The following TAFA1 variants were observed in gnomAD, a reference collection of about 807,000 sequenced individuals.
TAFA1 encodes chemokine-like protein TAFA-1.
TAFA1 carries 4 observed loss-of-function variants against 18.5 expected under a neutral mutation model. That is an observed-to-expected ratio of 0.22 (90% CI 0.11 to 0.49). TAFA1 has a LOEUF of 0.49. Among genes scored for constraint, TAFA1 ranks in the 20% least tolerant of loss-of-function variants. The probability of loss-of-function intolerance (pLI) is 0.98; values close to 1 mark genes in which losing one functional copy is unlikely to be tolerated. For synonymous variants in TAFA1, 56 were observed against 55.2 expected (o/e 1.01, Z -0.06); for missense variants, 147 against 169.0 (o/e 0.87, Z 0.72).
At chr3:68,110,143 A>T (rs2065247467) in intron 2 of TAFA1, among the ~76,000 whole-genome samples, 1 of 151,856 alleles carries the variant, frequency 6.6e-6, no homozygotes, top group African/African-American at 2.4e-5. Context: ...CCTCCCTCCA[A>T]CAGGCTCCAG....
chr3:68,529,531 G>C (rs1048446879), intron 3 of TAFA1, among the ~76,000 whole-genome samples: 4 of 146,196 alleles, frequency 2.7e-5, no homozygotes, highest in African/African-American at 1.0e-4. Context: ...TAGTCTGCTT[G>C]TGTTACTATA....
chr3:68,044,243 C>T (rs376799026), intron 2 of TAFA1, among the ~76,000 whole-genome samples: 1 of 152,310 alleles, frequency 6.6e-6, no homozygotes, highest in African/African-American at 2.4e-5. Flanking sequence ...TATAGTGTTA[C>T]ATTTATTTTT....
intron 2 of TAFA1, among the ~76,000 whole-genome samples, chr3:68,202,746 G>A (rs962660649): frequency 6.6e-6 from 1 of 151,338 alleles, no homozygotes; most frequent in African/African-American, 2.4e-5. Context: ...TTATATATAA[G>A]CAAAAATAAG....
the TAFA1 span, among the ~76,000 whole-genome samples, chr3:67,996,410 CA>C: frequency 2.6e-5 from 4 of 152,014 alleles, no homozygotes; most frequent in Non-Finnish European, 5.9e-5. Flanking sequence ...TCTCTGAAAT[CA>C]GGGGGGATAA....
intron 2 of TAFA1, among the ~76,000 whole-genome samples, chr3:68,370,929 G>A (rs1228520394): frequency 6.6e-6 from 1 of 151,802 alleles, no homozygotes; most frequent in Non-Finnish European, 1.5e-5. Flanking sequence ...CTAGAACATT[G>A]CTTCGCCTTT....
chr3:68,040,244 T>C (rs1313875653), intron 2 of TAFA1, among the ~76,000 whole-genome samples: 1 of 152,172 alleles, frequency 6.6e-6, no homozygotes, highest in African/African-American at 2.4e-5. Flanking sequence ...TGCAAGGCAA[T>C]TTTACTCACC....
chr3:68,113,264 C>T (rs547658879), intron 2 of TAFA1, among the ~76,000 whole-genome samples: 1 of 152,246 alleles, frequency 6.6e-6, no homozygotes, highest in African/African-American at 2.4e-5. Flanking sequence ...TAAACATGTA[C>T]ACATAAGGAC....
At position 68,032,500 on chromosome 3, in the gene TAFA1, C is replaced by A. The variant is rs531896669; in HGVS notation, c.118+25756C>A. ...AAGAAAGTAAGACTTTGTTGACAGA[C>A]TCTTGTAGAGGTAGTGCAAAAAGAA... On this transcript the variant is annotated intron_variant, in intron 2 of 4. Coordinates refer to ENST00000478136, the MANE Select transcript of TAFA1 (RefSeq NM_213609.4). Among the ~76,000 whole-genome samples the A allele has an allele frequency of 4.6e-5, 7 of 152,264 alleles. No individual in the cohort carries two copies. In the East Asian group the frequency reaches 1.4e-3, roughly 29 times the overall value.
rs34030223 is a variant in TAFA1 at position 68,498,722 on chromosome 3, C to CTTTTT, written c.260-40003_260-39999dup. ...AATTCCTCCCAAAGCCGTTTGGTGG[C>CTTTTT]TTTTTTTTTTTTTTTTTTTTTTTTT... is the stretch of plus-strand genomic sequence containing the variant. On this transcript the variant is annotated intron_variant, in intron 3 of 4. Transcript: ENST00000478136. Among the ~76,000 whole-genome samples, 117 of 97,004 alleles carry CTTTTT rather than the reference C, an allele frequency of 1.2e-3. 8 individuals carry two copies. Among genetic ancestry groups the CTTTTT allele is most frequent in the African/African-American group, 5.1e-3 (106 of 20,874 alleles). The allele number at this position is 97,004 out of a possible 152,430, so 63.6% of individuals were successfully genotyped here.
Position 68,139,292 on chromosome 3 carries a change from G to C in TAFA1, c.118+132548G>C, listed in dbSNP as rs948826024. On this transcript the variant is annotated intron_variant, in intron 2 of 4. Coordinates refer to ENST00000478136, the MANE Select transcript of TAFA1 (RefSeq NM_213609.4). The stretch of plus-strand genomic sequence containing the variant: ...GTAAGAGGAGAAATACACACCACTG[G>C]AAGTTAGAGTTGGGAATAGGTTCCG... 7.2e-5 allele frequency among the ~76,000 whole-genome samples: 11 copies of C among 152,114 alleles called. No individual in the cohort carries two copies. In the East Asian group the frequency reaches 2.1e-3, roughly 29 times the overall value.
intron 2 of TAFA1, among the ~76,000 whole-genome samples, chr3:68,175,483 A>G (rs1018826173): frequency 6.6e-6 from 1 of 152,202 alleles, no homozygotes; most frequent in African/African-American, 2.4e-5. Flanking sequence ...TGTGACCTGC[A>G]TGTGAGACAT....
chr3:68,183,020 A>G (rs539457162), intron 2 of TAFA1, among the ~76,000 whole-genome samples: 6 of 152,142 alleles, frequency 3.9e-5, no homozygotes, highest in Non-Finnish European at 8.8e-5. Context: ...AACCCTCCCA[A>G]ATAATTATCC....
chr3:68,496,606 A>C (rs2072554630), intron 3 of TAFA1, among the ~76,000 whole-genome samples: 2 of 152,196 alleles, frequency 1.3e-5, no homozygotes, highest in Admixed American at 1.3e-4. Flanking sequence ...CAAAGATGAA[A>C]TCAAGATACT....
At chr3:68,113,611 C>T (rs1378549246) in intron 2 of TAFA1, among the ~76,000 whole-genome samples, 1 of 152,114 alleles carries the variant, frequency 6.6e-6, no homozygotes, top group African/African-American at 2.4e-5. Context: ...TAGAAAGGTT[C>T]TCACGGCATG....
intron 2 of TAFA1, among the ~76,000 whole-genome samples, chr3:68,305,415 ATATATATATATAT>A (rs1559608851): frequency 6.7e-5 from 2 of 29,878 alleles, no homozygotes; most frequent in African/African-American, 2.4e-4. Flanking sequence ...ATGACTATAT[ATATATATATATAT>A]ATATATATAT....
chr3:68,306,608 C>T (rs185532352), intron 2 of TAFA1, among the ~76,000 whole-genome samples: 3 of 152,272 alleles, frequency 2.0e-5, no homozygotes, highest in African/African-American at 7.2e-5. Context: ...TCCCCTCCGC[C>T]TCCACCTCCT....
chr3:68,013,338 T>G (rs1368545123), intron 2 of TAFA1, among the ~76,000 whole-genome samples: 1 of 152,152 alleles, frequency 6.6e-6, no homozygotes, highest in African/African-American at 2.4e-5. Flanking sequence ...TAAACATTAT[T>G]TTGTCAGTAT....
intron 2 of TAFA1, among the ~76,000 whole-genome samples, chr3:68,082,093 C>A (rs932777188): frequency 6.6e-6 from 1 of 152,224 alleles, no homozygotes; most frequent in African/African-American, 2.4e-5. Context: ...CCGTCCGTCA[C>A]CCCTTTCTTT....
intron 2 of TAFA1, among the ~76,000 whole-genome samples, chr3:68,410,097 G>T (rs549376052): frequency 6.6e-6 from 1 of 152,288 alleles, no homozygotes; most frequent in East Asian, 1.9e-4. Context: ...CCAGCTCAGA[G>T]TTGCTGCTGC....
Sources: allele counts gnomAD v4.1 joint callset (sites outside exome capture counted in the v4.1 genomes callset), GRCh38; gene constraint gnomAD v4.1.1; transcripts MANE v1.5; gene names NCBI Gene and HGNC (gene_info 2026-07-23, HGNC 2026-07-21).